The following UCP2 variants were observed in gnomAD, a reference collection of about 807,000 sequenced individuals.
UCP2 encodes uncoupling protein 2, also known as dicarboxylate carrier SLC25A8.
A neutral mutation model predicts 31.3 loss-of-function variants in UCP2; 27 were observed. The observed-to-expected ratio is 0.86, with a 90% confidence interval of 0.64 to 1.19. The LOEUF (loss-of-function observed/expected upper bound fraction) is 1.19, where lower values mean the gene tolerates loss of function less well. Among genes scored for constraint, UCP2 ranks in the 50% most tolerant of loss-of-function variants. The pLI is 0.00. For missense variants in UCP2, 377 were observed against 413.5 expected, an observed-to-expected ratio of 0.91 and a Z score of 0.76; for synonymous variants, 142 against 157.4, an observed-to-expected ratio of 0.90 and a Z score of 0.73.
chr11:73,974,891 G>T lies in UCP2; in HGVS notation c.*116C>A. On this transcript the variant is annotated 3_prime_UTR_variant, in exon 8 of 8. Transcript: ENST00000663595. ...GGTAGGTAAAGGAGCGGAAGGAAGA[G>T]GTGGGGAAAGAGGGAAGGAGAGAAG... is the stretch of plus-strand genomic sequence containing the variant. The T allele has an allele frequency of 1.1e-6, 1 of 896,454 alleles. No homozygotes were observed. Among genetic ancestry groups the T allele is most frequent in the Non-Finnish European group, 1.8e-6 (1 of 550,694 alleles). The allele number at this position is 896,454 out of a possible 1,614,324, so 55.5% of individuals were successfully genotyped here. A position where few individuals can be genotyped will look rare whatever the true frequency, so the allele number is the denominator to read the frequency against.
chr11:73,978,622 G>A (rs1166254223), intron 2 of UCP2, 145 bp from the exon 3 acceptor site: 6 of 523,444 alleles, frequency 1.1e-5, no homozygotes, highest in East Asian at 3.7e-5. Context: ...ATGTGAGCTC[G>A]AGAGGCACTC....
chr11:73,976,323 G>A (rs1044022964), intron 6 of UCP2, among the ~76,000 whole-genome samples: 4 of 147,044 alleles, frequency 2.7e-5, no homozygotes, highest in East Asian at 1.9e-4. Flanking sequence ...GAGATTACAC[G>A]GGTAACAGAG....
chr11:73,982,784 G>C lies in UCP2; in HGVS notation c.-320C>G, dbSNP rs1410443374. On this transcript the variant is annotated 5_prime_UTR_variant, in exon 1 of 8. Transcript: ENST00000663595. Reference sequence around the variant, plus strand: ...TCTGTCGGCTGGCGGAGGGCGCGTCGGACGAGCCGGGCGAGCGTGGACAGT... The same window carrying C: ...TCTGTCGGCTGGCGGAGGGCGCGTCCGACGAGCCGGGCGAGCGTGGACAGT... 1 of 152,616 alleles carries C rather than the reference G, an allele frequency of 6.6e-6. No individual in the cohort carries two copies. The highest frequency in any genetic ancestry group is 2.1e-4 in the South Asian group (1 of 4,850). The allele number at this position is 152,616 out of a possible 1,614,324, so 9.5% of individuals were successfully genotyped here.
At chr11:73,978,146 C>T (rs377624369) in intron 3 of UCP2, 50 bp from the exon 4 acceptor site, 2 of 1,613,910 alleles carry the variant, frequency 1.2e-6, no homozygotes, top group South Asian at 1.1e-5. Flanking sequence ...TTGCCCTTCC[C>T]ACCTCCAGTC....
At chr11:73,981,128 C>T (rs990542294) in intron 2 of UCP2, 6 of 152,198 alleles carry the variant, frequency 3.9e-5, no homozygotes, top group African/African-American at 1.2e-4. Context: ...TTACCAATCT[C>T]GGTTTCAGGG....
At chr11:73,982,973 G>A (rs1442325417), upstream of UCP2, 4 of 152,470 alleles carry the variant, frequency 2.6e-5, no homozygotes, top group South Asian at 4.1e-4. Flanking sequence ...CCTTTCCGCG[G>A]GGACCGCCCC....
In UCP2 at chr11:73,975,395, C is replaced by T. The variant is rs760423389; in HGVS notation, c.815+96G>A. ...AGGACCAGGATCAGAAATAGTCACA[C>T]TTGGCTGCTACTCACTTCCAGGTGG... is the stretch of plus-strand genomic sequence containing the variant. On this transcript the variant is annotated intron_variant, in intron 7 of 7. Coordinates refer to ENST00000663595, the MANE Select transcript of UCP2 (RefSeq NM_003355.3). The T allele has an allele frequency of 1.1e-5, 16 of 1,411,370 alleles. No individual in the cohort carries two copies. The East Asian group carries it at 1.6e-4, about 14-fold the overall frequency. The allele number at this position is 1,411,370 out of a possible 1,614,324, so 87.4% of individuals were successfully genotyped here. A position where few individuals can be genotyped will look rare whatever the true frequency, so the allele number is the denominator to read the frequency against.
intron 2 of UCP2, among the ~76,000 whole-genome samples, chr11:73,980,343 A>C (rs1226851085): frequency 6.6e-6 from 1 of 151,926 alleles, no homozygotes; most frequent in Non-Finnish European, 1.5e-5. Flanking sequence ...TGGGCTTCTC[A>C]CTCCAGGTGG....
chr11:73,976,618 G>C, intron 6 of UCP2, 23 bp downstream of exon 6: 1 of 1,596,426 alleles, frequency 6.3e-7, no homozygotes, highest in Non-Finnish European at 8.6e-7. Context: ...GTGAGACCCA[G>C]CACCGTCTAC....
Position 73,974,923 on chromosome 11 carries a change from A to G in UCP2, c.*84T>C, listed in dbSNP as rs540490140. 4.0e-5 allele frequency: 45 copies of G among 1,125,656 alleles called. No individual in the cohort carries two copies. Among genetic ancestry groups the G allele is most frequent in the South Asian group, 3.6e-4 (27 of 75,490 alleles). 69.7% of individuals were successfully genotyped at this position (1,125,656 alleles called of 1,614,324 possible). ...AAAGAGGGAAGGAGAGAAGGGAAGG[A>G]GGGAAGAGAAAGAAGGAAGAAAAGG... is the stretch of plus-strand genomic sequence containing the variant. On this transcript the variant is annotated 3_prime_UTR_variant, in exon 8 of 8. Coordinates refer to ENST00000663595, the MANE Select transcript of UCP2 (RefSeq NM_003355.3).
intron 2 of UCP2, among the ~76,000 whole-genome samples, chr11:73,979,500 C>A (rs539526523): frequency 6.6e-6 from 1 of 151,986 alleles, no homozygotes; most frequent in African/African-American, 2.4e-5. Flanking sequence ...TAGCTGAGAT[C>A]GTGCCACTGC....
In UCP2 at chr11:73,978,458, T is replaced by G. The variant is rs888883139; in HGVS notation, c.-80A>C. Reference sequence around the variant, plus strand: ...ACCTTTAATCAGCAACAAGACGAGATAGAGGAACTCTGCCGGAATCTAAGC... The same window carrying G: ...ACCTTTAATCAGCAACAAGACGAGAGAGAGGAACTCTGCCGGAATCTAAGC... On this transcript the variant is annotated 5_prime_UTR_variant, in exon 3 of 8. Transcript: ENST00000663595. 1.3e-6 allele frequency: 2 copies of G among 1,591,626 alleles called. No individual in the cohort carries two copies. The highest frequency in any genetic ancestry group is 1.7e-5 in the Admixed American group (1 of 58,664).
intron 2 of UCP2, 140 bp from the exon 3 acceptor site, chr11:73,978,617 A>C (rs1951402430): frequency 1.3e-5 from 7 of 534,962 alleles, no homozygotes; most frequent in Middle Eastern, 5.3e-4. Flanking sequence ...AACCGATGTG[A>C]GCTCGAGAGG....
At position 73,978,106 on chromosome 11, in the gene UCP2, C is replaced by T; in HGVS notation, c.127-10G>A. 6.2e-7 allele frequency: 1 copy of T among 1,614,024 alleles called. No homozygotes were observed. The highest frequency in any genetic ancestry group is 8.5e-7 in the Non-Finnish European group (1 of 1,179,968). ...GACTTTCTCCTTGGATCTGCAAGGC[C>T]AAGACAGGGTAGCTACAGGGATAAG... On this transcript the variant is annotated splice_polypyrimidine_tract_variant and intron_variant, in intron 3 of 7. Coordinates refer to ENST00000663595, the MANE Select transcript of UCP2 (RefSeq NM_003355.3).
At chr11:73,975,176 C>T in intron 7 of UCP2, 55 bp from the exon 8 acceptor site, 4 of 1,477,334 alleles carry the variant, frequency 2.7e-6, no homozygotes, top group African/African-American at 1.4e-5. Flanking sequence ...ACTTCCCTCA[C>T]TGGGCCTGGT....
At position 73,982,842 on chromosome 11, in the gene UCP2, G is replaced by GC. The variant is rs1951484746; in HGVS notation, c.-379_-378insG. The GC allele has an allele frequency of 6.6e-6, 1 of 152,386 alleles. No individual in the cohort carries two copies. The highest frequency in any genetic ancestry group is 1.5e-5 in the Non-Finnish European group (1 of 68,198). 9.4% of individuals were successfully genotyped at this position (152,386 alleles called of 1,614,324 possible). Reference sequence around the variant, plus strand: ...AAGGCGCGCGCAGCTGGGCTTCGCAGTGGGGCTCCGCGCAGGCGGCGGCGC... The same window carrying GC: ...AAGGCGCGCGCAGCTGGGCTTCGCAGCTGGGGCTCCGCGCAGGCGGCGGCGC... On this transcript the variant is annotated 5_prime_UTR_variant, in exon 1 of 8. Coordinates refer to ENST00000663595, the MANE Select transcript of UCP2 (RefSeq NM_003355.3).
Position 73,974,775 on chromosome 11 carries a change from C to A in UCP2, c.*232G>T, listed in dbSNP as rs1323572272. On this transcript the variant is annotated 3_prime_UTR_variant, in exon 8 of 8. Transcript: ENST00000663595. The stretch of plus-strand genomic sequence containing the variant: ...TTCCAAGGGACGGGACGCTTGGGAT[C>A]CTGGCTGGTACGAGGCCTCCCACAC... The A allele has an allele frequency of 8.7e-6, 5 of 572,360 alleles. No homozygotes were observed. Among genetic ancestry groups the A allele is most frequent in the Non-Finnish European group, 1.6e-5 (5 of 319,788 alleles). The allele number at this position is 572,360 out of a possible 1,614,324, so 35.5% of individuals were successfully genotyped here.
chr11:73,977,810 T>C (rs1002517859), intron 4 of UCP2, 76 bp downstream of exon 4: 1 of 1,596,206 alleles, frequency 6.3e-7, no homozygotes, highest in African/African-American at 1.3e-5. Flanking sequence ...TAAAAAACTA[T>C]ATGGCTGAAT....
At chr11:73,977,744 G>T in intron 4 of UCP2, 142 bp downstream of exon 4, 2 of 1,130,538 alleles carry the variant, frequency 1.8e-6, no homozygotes, top group Non-Finnish European at 2.5e-6. Flanking sequence ...CTATGTGGAG[G>T]ACCAGGGCCC....
Sources: gnomAD v4.1 joint callset for allele counts (sites outside exome capture counted in the v4.1 genomes callset) on GRCh38, gnomAD v4.1.1 for gene constraint, MANE v1.5 for transcripts, NCBI Gene and HGNC (gene_info 2026-07-23, HGNC 2026-07-21) for gene names.